CTNNA3: variants seen among roughly 807,000 people sequenced by gnomAD.
CTNNA3 encodes catenin alpha-3.
A neutral mutation model predicts 95.7 loss-of-function variants in CTNNA3; 76 were observed. That is an observed-to-expected ratio of 0.79 (90% confidence interval 0.66 to 0.96). The LOEUF (loss-of-function observed/expected upper bound fraction) is 0.96. CTNNA3 is among the 40% of genes least tolerant of loss of function. The pLI, the probability that CTNNA3 is intolerant of heterozygous loss-of-function variation, is 0.00. For missense variants in CTNNA3, 1,191 were observed against 1,089.8 expected (o/e 1.09, Z -1.31); for synonymous variants, 431 against 374.4 (o/e 1.15, Z -1.74).
intron 7 of CTNNA3, among the ~76,000 whole-genome samples, chr10:66,869,599 A>C (rs897466853): frequency 6.6e-6 from 1 of 152,014 alleles, no homozygotes; most frequent in African/African-American, 2.4e-5. Flanking sequence ...TTAATAAATA[A>C]AATAAAAGAA....
chr10:67,704,954 A>G (rs1841068667), intron 1 of CTNNA3, among the ~76,000 whole-genome samples: 1 of 152,220 alleles, frequency 6.6e-6, no homozygotes, highest in African/African-American at 2.4e-5. Flanking sequence ...AACTCCATCA[A>G]AAAGTGGGCG....
chr10:66,587,976 T>C (rs1843418333), intron 10 of CTNNA3, among the ~76,000 whole-genome samples: 1 of 152,170 alleles, frequency 6.6e-6, no homozygotes, highest in East Asian at 1.9e-4. Context: ...TATAATCTCA[T>C]ATCTCAGATG....
intron 6 of CTNNA3, among the ~76,000 whole-genome samples, chr10:67,200,662 C>T (rs1446775864): frequency 6.6e-6 from 1 of 152,094 alleles, no homozygotes. Flanking sequence ...TGCAAAGATG[C>T]CCACAAGTCA....
At chr10:67,548,934 A>G (rs759631727) in intron 3 of CTNNA3, among the ~76,000 whole-genome samples, 34 of 152,268 alleles carry the variant, frequency 2.2e-4, no homozygotes, top group Middle Eastern at 3.4e-3. Flanking sequence ...CCTGTTTTTA[A>G]AATAGGCGAA....
intron 9 of CTNNA3, among the ~76,000 whole-genome samples, chr10:66,678,602 A>G (rs1344110455): frequency 6.6e-6 from 1 of 152,186 alleles, no homozygotes; most frequent in Non-Finnish European, 1.5e-5. Flanking sequence ...AGGGTCACAT[A>G]AGACTTCTTA....
chr10:67,573,133 C>T (rs1400014156), intron 3 of CTNNA3, among the ~76,000 whole-genome samples: 1 of 152,062 alleles, frequency 6.6e-6, no homozygotes, highest in Non-Finnish European at 1.5e-5. Flanking sequence ...CTATGCTGCT[C>T]TCCTACGCCT....
intron 12 of CTNNA3, among the ~76,000 whole-genome samples, chr10:66,344,321 C>A (rs1232943778): frequency 6.6e-6 from 1 of 151,286 alleles, no homozygotes; most frequent in Non-Finnish European, 1.5e-5. Context: ...GGCTGGAGTG[C>A]AGTGGCGTGA....
At chr10:66,405,300 T>C (rs1238232252) in intron 11 of CTNNA3, among the ~76,000 whole-genome samples, 1 of 152,162 alleles carries the variant, frequency 6.6e-6, no homozygotes, top group African/African-American at 2.4e-5. Context: ...AATTATGTGA[T>C]TTATATTAAA....
intron 7 of CTNNA3, among the ~76,000 whole-genome samples, chr10:66,893,694 G>T (rs578136215): frequency 2.0e-5 from 3 of 152,168 alleles, no homozygotes; most frequent in African/African-American, 7.2e-5. Flanking sequence ...AAATATGAGG[G>T]AAACCTAATG....
chr10:67,592,039 C>T (rs1842805182), intron 3 of CTNNA3, among the ~76,000 whole-genome samples: 1 of 151,992 alleles, frequency 6.6e-6, no homozygotes, highest in African/African-American at 2.4e-5. Flanking sequence ...AACTTTCATC[C>T]CTATCTTACC....
intron 1 of CTNNA3, among the ~76,000 whole-genome samples, chr10:67,678,724 T>A (rs1189345986): frequency 1.3e-5 from 2 of 152,120 alleles, no homozygotes; most frequent in African/African-American, 2.4e-5. Flanking sequence ...CATTACTACA[T>A]CACACAGATG....
chr10:66,728,712 C>T (rs899811424), intron 9 of CTNNA3, among the ~76,000 whole-genome samples: 4 of 152,056 alleles, frequency 2.6e-5, no homozygotes, highest in Non-Finnish European at 5.9e-5. Context: ...CTCTGGCTCT[C>T]GAATAGCTGG....
At chr10:66,984,896 C>CT (rs955701980) in intron 7 of CTNNA3, among the ~76,000 whole-genome samples, 13 of 151,382 alleles carry the variant, frequency 8.6e-5, no homozygotes, top group African/African-American at 1.5e-4. Flanking sequence ...TGTTTTGGTG[C>CT]TTTTTTTTTG....
chr10:66,229,068 C>A (rs918884776), intron 13 of CTNNA3, among the ~76,000 whole-genome samples: 1 of 152,028 alleles, frequency 6.6e-6, no homozygotes, highest in South Asian at 2.1e-4. Flanking sequence ...ATAGTTAGGT[C>A]AATTTTTTAA....
At chr10:67,135,374 T>C (rs1860244495) in intron 7 of CTNNA3, among the ~76,000 whole-genome samples, 1 of 152,086 alleles carries the variant, frequency 6.6e-6, no homozygotes, top group African/African-American at 2.4e-5. Context: ...ATATATGCAG[T>C]AACAACAATG....
At chr10:66,821,212 G>C (rs1343193753) in intron 7 of CTNNA3, among the ~76,000 whole-genome samples, 1 of 152,072 alleles carries the variant, frequency 6.6e-6, no homozygotes, top group African/African-American at 2.4e-5. Context: ...AATTAGATAT[G>C]CTTGACATTT....
chr10:65,985,461 T>G (rs1242677197), intron 16 of CTNNA3, among the ~76,000 whole-genome samples: 2 of 151,162 alleles, frequency 1.3e-5, no homozygotes. Context: ...GAAATAAACA[T>G]GAGAAATCTA....
intron 11 of CTNNA3, among the ~76,000 whole-genome samples, chr10:66,387,267 A>T (rs1483759732): frequency 1.3e-5 from 2 of 152,120 alleles, no homozygotes; most frequent in Non-Finnish European, 2.9e-5. Flanking sequence ...AAACAAGTCC[A>T]TCAAAAAGTG....
Position 66,520,675 on chromosome 10 carries a change from A to G in CTNNA3, c.1473T>C (p.His491=). ...MYKRTWENHI[H]VLTEAVDDIT... is the part of the protein sequence containing the mutation. Reference sequence around the variant, plus strand: ...TGTCATCTACGGCTTCAGTGAGGACATGTATATGATTCTCCCATGTACGCT... The same window carrying G: ...TGTCATCTACGGCTTCAGTGAGGACGTGTATATGATTCTCCCATGTACGCT... Residue 491 remains histidine (H), a synonymous_variant, in exon 11 of 18, where the codon CAT becomes CAC. Transcript: ENST00000433211. 4 of 1,611,710 alleles carry G rather than the reference A, an allele frequency of 2.5e-6. No individual in the cohort carries two copies. The highest frequency in any genetic ancestry group is 3.4e-6 in the Non-Finnish European group (4 of 1,178,766).
Sources: allele counts gnomAD v4.1 joint callset (sites outside exome capture counted in the v4.1 genomes callset), GRCh38; gene constraint gnomAD v4.1.1; transcripts MANE v1.5; gene names NCBI Gene and HGNC (gene_info 2026-07-23, HGNC 2026-07-21).